PEMT: variants seen among roughly 807,000 people sequenced by gnomAD.
PEMT encodes phospholipid methyltransferase.
A neutral mutation model predicts 27.4 loss-of-function variants in PEMT; 23 were observed. That is an observed-to-expected ratio of 0.84 (90% CI 0.60 to 1.19). The LOEUF is 1.19. Ranked by LOEUF, PEMT falls within the 50% of genes most tolerant of loss-of-function variation. PEMT has a pLI of 0.00. For synonymous variants in PEMT, 137 were observed against 139.1 expected (o/e 0.98, Z 0.11); for missense variants, 307 against 310.1 (o/e 0.99, Z 0.07).
intron 2 of PEMT, among the ~76,000 whole-genome samples, chr17:17,537,275 A>G (rs1020907017): frequency 1.3e-5 from 2 of 152,084 alleles, no homozygotes; most frequent in African/African-American, 2.4e-5. Flanking sequence ...TGCTCCTGTG[A>G]GGAGGACCCA....
intron 2 of PEMT, among the ~76,000 whole-genome samples, chr17:17,542,924 T>G (rs938228675): frequency 1.3e-5 from 2 of 152,100 alleles, no homozygotes; most frequent in African/African-American, 4.8e-5. Context: ...CACTGCCGGG[T>G]CTAGAGGACT....
In PEMT at chr17:17,516,696, C is replaced by T. The variant is rs544797349; in HGVS notation, c.321-4042G>A. On this transcript the variant is annotated intron_variant, in intron 3 of 6. Coordinates refer to ENST00000255389, the MANE Select transcript of PEMT (RefSeq NM_148172.3). ...CCTCTTCCCTCCTTCCCAGCCACAGCCCCTCAGGTGCCAGACCAGCCTGGT... is the reference window on the plus strand; with the variant it reads ...CCTCTTCCCTCCTTCCCAGCCACAGTCCCTCAGGTGCCAGACCAGCCTGGT... Among the ~76,000 whole-genome samples the T allele has an allele frequency of 3.3e-5, 5 of 152,238 alleles. No individual in the cohort carries two copies. In the South Asian group the frequency reaches 1.0e-3, roughly 32 times the overall value.
intron 2 of PEMT, among the ~76,000 whole-genome samples, chr17:17,522,736 T>C (rs924133318): frequency 2.6e-5 from 4 of 151,850 alleles, no homozygotes; most frequent in Non-Finnish European, 5.9e-5. Flanking sequence ...GGGTCTGACC[T>C]CAGGCCCTAC....
chr17:17,548,334 G>A (rs1372205104), intron 2 of PEMT, among the ~76,000 whole-genome samples: 2 of 152,206 alleles, frequency 1.3e-5, no homozygotes, highest in African/African-American at 2.4e-5. Context: ...GAGGGACAGC[G>A]TGTATACAAC....
rs576128626 is a variant in PEMT at position 17,581,860 on chromosome 17, T to C, written c.97-4833A>G. ...GAATGACTAATGGTTCAGAGTGGAA[T>C]TCTAGGCAGCAGAGGGAAGCCCCTC... On this transcript the variant is annotated intron_variant, in intron 1 of 6. Transcript: ENST00000255389. Among the ~76,000 whole-genome samples the C allele has an allele frequency of 7.9e-5, 12 of 152,228 alleles. No homozygotes were observed. In the East Asian group the frequency reaches 1.7e-3, roughly 22 times the overall value.
At chr17:17,517,862 C>T (rs1022170127) in intron 3 of PEMT, 10 of 527,796 alleles carry the variant, frequency 1.9e-5, no homozygotes, top group Admixed American at 1.3e-4. Context: ...TCCTCCAGGC[C>T]TTGGTCGTAA....
chr17:17,507,200 C>T, intron 5 of PEMT: 2 of 1,556,446 alleles, frequency 1.3e-6, no homozygotes, highest in South Asian at 1.2e-5. Context: ...AGGTGCTGGG[C>T]TGCTGCCAGG....
rs1233968302 is a variant in PEMT, at chr17:17,586,272, GAAAGAAAGAAAGAAAGAA to G, written c.96+5241_96+5258del. On this transcript the variant is annotated intron_variant, in intron 1 of 6. Coordinates refer to ENST00000255389, the MANE Select transcript of PEMT (RefSeq NM_148172.3). Reference sequence around the variant, plus strand: ...AGAAAGAAAGAAAGAAAGAAAGAAAGAAAGAAAGAAAGAAAGAAAAAAAAAAACGCAGGTGGAAAATCG... The same window carrying G: ...AGAAAGAAAGAAAGAAAGAAAGAAAGAAAAAAAAACGCAGGTGGAAAATCG... Among the ~76,000 whole-genome samples, 73 of 108,000 alleles carry G rather than the reference GAAAGAAAGAAAGAAAGAA, an allele frequency of 6.8e-4. 4 individuals are homozygous for G. The highest frequency in any genetic ancestry group is 4.4e-3 in the Middle Eastern group (1 of 228). The allele number at this position is 108,000 out of a possible 152,430, so 70.9% of individuals were successfully genotyped here. A position where few individuals can be genotyped will look rare whatever the true frequency, so the allele number is the denominator to read the frequency against.
At chr17:17,549,753 C>T (rs11656215) in intron 2 of PEMT, among the ~76,000 whole-genome samples, 67,942 of 152,192 alleles carry the variant, frequency 0.45, 15,757 homozygotes, top group Non-Finnish European at 0.52. Flanking sequence ...TTATGATAAC[C>T]ATAGCTGTGA....
rs1214838673 is a variant in PEMT, at chr17:17,561,508, G to T, written c.204+15412C>A. Among the ~76,000 whole-genome samples the T allele has an allele frequency of 1.3e-5, 2 of 152,176 alleles. No homozygotes were observed. The highest frequency in any genetic ancestry group is 2.9e-5 in the Non-Finnish European group (2 of 68,016). ...GTGGCTGCCCGAGGGGGAAGCGGAC[G>T]GTAAGGCTGGAGGTAGGAAGAGGGA... On this transcript the variant is annotated intron_variant, in intron 2 of 6. Coordinates refer to ENST00000255389, the MANE Select transcript of PEMT (RefSeq NM_148172.3). This position sits in a 1 kb window ranked among gnomAD's most constrained non-coding sequence, Gnocchi z 4.5.
intron 1 of PEMT, among the ~76,000 whole-genome samples, chr17:17,584,826 G>A (rs905191689): frequency 5.3e-5 from 8 of 152,252 alleles, no homozygotes; most frequent in Non-Finnish European, 1.2e-4. Context: ...TGCCACGGCG[G>A]GCAGCCATCT....
At chr17:17,507,106 G>A in intron 5 of PEMT, 1 of 1,516,954 alleles carries the variant, frequency 6.6e-7, no homozygotes, top group Non-Finnish European at 9.0e-7. Flanking sequence ...CCCGGGCGCA[G>A]CTGCTTTGGG....
In PEMT at chr17:17,591,528, T is replaced by A. The variant is rs1322972354; in HGVS notation, c.96+3A>T. The A allele has an allele frequency of 6.2e-7, 1 of 1,610,444 alleles. No homozygotes were observed. Among genetic ancestry groups the A allele is most frequent in the Admixed American group, 1.7e-5 (1 of 59,960 alleles). On this transcript the variant is annotated splice_donor_region_variant and intron_variant, in intron 1 of 6. Coordinates refer to ENST00000255389, the MANE Select transcript of PEMT (RefSeq NM_148172.3). ...TTCCGCGGCGGTCCGGTGCGGTCAG[T>A]ACCTGTCTAAAATCAATATTGCCGA...
intron 2 of PEMT, among the ~76,000 whole-genome samples, chr17:17,537,448 G>A (rs1229063527): frequency 6.6e-6 from 1 of 152,140 alleles, no homozygotes; most frequent in East Asian, 1.9e-4. Context: ...CAACACACCG[G>A]GCTCCCCCAA....
At position 17,570,848 on chromosome 17, in the gene PEMT, C is replaced by T. The variant is rs545043961; in HGVS notation, c.204+6072G>A. ...ATGGCACGAAGCCAGGTAGAGTCCG[C>T]GAGGGTACAGATCCGGGGGCAGGTG... On this transcript the variant is annotated intron_variant, in intron 2 of 6. Coordinates refer to ENST00000255389, the MANE Select transcript of PEMT (RefSeq NM_148172.3). 81 of 985,344 alleles carry T rather than the reference C, an allele frequency of 8.2e-5. No homozygotes were observed. In the African/African-American group the frequency reaches 1.3e-3, roughly 15 times the overall value. 61.0% of individuals were successfully genotyped at this position (985,344 alleles called of 1,614,324 possible).
At chr17:17,588,382 G>C (rs1912430459) in intron 1 of PEMT, among the ~76,000 whole-genome samples, 1 of 152,102 alleles carries the variant, frequency 6.6e-6, no homozygotes, top group South Asian at 2.1e-4. Flanking sequence ...TTGCCTCCAG[G>C]GTCTTACTCG....
At chr17:17,533,164 C>T (rs140545404) in intron 2 of PEMT, among the ~76,000 whole-genome samples, 17 of 152,312 alleles carry the variant, frequency 1.1e-4, no homozygotes, top group Non-Finnish European at 2.5e-4. Flanking sequence ...GCATACAGAG[C>T]CCAGAAATAA....
intron 2 of PEMT, among the ~76,000 whole-genome samples, chr17:17,525,733 G>A (rs888405247): frequency 1.3e-5 from 2 of 152,176 alleles, no homozygotes; most frequent in African/African-American, 2.4e-5. Context: ...AGTGGCTCAC[G>A]TCTGTAATCC....
intron 2 of PEMT, among the ~76,000 whole-genome samples, chr17:17,543,483 C>T (rs993169443): frequency 2.6e-5 from 4 of 152,192 alleles, no homozygotes; most frequent in Non-Finnish European, 4.4e-5. Context: ...ACCTGGATCC[C>T]GGGCCCTCTG....
Sources: allele counts gnomAD v4.1 joint callset (sites outside exome capture counted in the v4.1 genomes callset), GRCh38; gene constraint gnomAD v4.1.1; non-coding constraint Gnocchi (gnomAD v3.1); transcripts MANE v1.5; gene names NCBI Gene and HGNC (gene_info 2026-07-23, HGNC 2026-07-21).